Variants in SLIT2 observed in about 807,000 individuals in gnomAD.
The protein encoded by SLIT2 is slit homolog 2 protein.
A neutral mutation model predicts 185.7 loss-of-function variants in SLIT2; 41 were observed. The observed-to-expected ratio is 0.22, with a 90% confidence interval of 0.17 to 0.29. SLIT2 has a LOEUF of 0.29. SLIT2 is among the 10% of genes least tolerant of loss of function. The probability of loss-of-function intolerance (pLI) is 1.00; values close to 1 mark genes in which losing one functional copy is unlikely to be tolerated. For synonymous variants in SLIT2, 693 were observed against 680.2 expected, an observed-to-expected ratio of 1.02 and a Z score of -0.29; for missense variants, 1,571 against 1,909.0, an observed-to-expected ratio of 0.82 and a Z score of 3.30.
Position 20,253,695 on chromosome 4 carries a change from C to T in SLIT2, c.-121C>T, listed in dbSNP as rs903258201. ...TTCCATATTATTTGGTGCACATTTT[C>T]CCTGGCACTCTGGGTTGCTAGCCCC... On this transcript the variant is annotated 5_prime_UTR_variant, in exon 1 of 37. Coordinates refer to ENST00000504154, the MANE Select transcript of SLIT2 (RefSeq NM_004787.4). 3 of 1,193,400 alleles carry T rather than the reference C, an allele frequency of 2.5e-6. No homozygotes were observed. The highest frequency in any genetic ancestry group is 1.4e-5 in the South Asian group (1 of 72,378). 73.9% of individuals were successfully genotyped at this position (1,193,400 alleles called of 1,614,324 possible).
intron 4 of SLIT2, among the ~76,000 whole-genome samples, chr4:20,291,755 T>C (rs1715967977): frequency 1.3e-5 from 2 of 151,938 alleles, no homozygotes; most frequent in South Asian, 4.1e-4. Flanking sequence ...ATCAAAACAA[T>C]TATAGAGAAC....
intron 15 of SLIT2, among the ~76,000 whole-genome samples, chr4:20,526,136 G>A (rs1577856643): frequency 6.6e-6 from 1 of 152,238 alleles, no homozygotes; most frequent in Admixed American, 6.5e-5. Context: ...CAGCGTTAGT[G>A]TACAGAGTTA....
intron 30 of SLIT2, among the ~76,000 whole-genome samples, chr4:20,593,707 T>C (rs1021776126): frequency 6.6e-6 from 1 of 152,152 alleles, no homozygotes; most frequent in African/African-American, 2.4e-5. Context: ...TTTCACAATG[T>C]ATGTATGTAT....
chr4:20,445,599 G>A (rs934732009), intron 4 of SLIT2, among the ~76,000 whole-genome samples: 2 of 152,202 alleles, frequency 1.3e-5, no homozygotes, highest in East Asian at 3.9e-4. Context: ...GGATCTATTA[G>A]GGCTCCCTAC....
intron 16 of SLIT2, 129 bp from the exon 17 acceptor site, chr4:20,531,855 G>T (rs1721839382): frequency 1.8e-6 from 1 of 541,394 alleles, no homozygotes; most frequent in Non-Finnish European, 3.3e-6. Flanking sequence ...CAAATCTTCT[G>T]TGATTTATGT....
In SLIT2 at chr4:20,252,096, G is replaced by T. The variant is rs1202971203; in HGVS notation, c.-1720G>T. ...CGAAGCTGCCGCGCTTTCTGGGCACGGCGGGAGTGCTGAGCAGAAAGGGGA... is the reference window on the plus strand; with the variant it reads ...CGAAGCTGCCGCGCTTTCTGGGCACTGCGGGAGTGCTGAGCAGAAAGGGGA... On this transcript the variant is annotated 5_prime_UTR_variant, in exon 1 of 37. Transcript: ENST00000504154. Among the ~76,000 whole-genome samples the T allele has an allele frequency of 1.3e-5, 2 of 152,148 alleles. No homozygotes were observed. Among genetic ancestry groups the T allele is most frequent in the South Asian group, 2.1e-4 (1 of 4,836 alleles).
intron 4 of SLIT2, among the ~76,000 whole-genome samples, chr4:20,368,094 G>A (rs1723258690): frequency 6.6e-6 from 1 of 151,706 alleles, no homozygotes; most frequent in South Asian, 2.1e-4. Flanking sequence ...TATGCTTTAT[G>A]TTCTGTAAAC....
chr4:20,536,558 C>CAAAAAAAAAAAA (rs35710842), intron 18 of SLIT2, among the ~76,000 whole-genome samples: 1 of 75,828 alleles, frequency 1.3e-5, no homozygotes, highest in African/African-American at 5.1e-5. Flanking sequence ...AACTCTGTCG[C>CAAAAAAAAAAAA]AAAAAAAAAA....
chr4:20,574,023 C>T (rs910315048), intron 29 of SLIT2, among the ~76,000 whole-genome samples: 15 of 151,554 alleles, frequency 9.9e-5, no homozygotes, highest in South Asian at 2.1e-4. Context: ...GGCGCAATCT[C>T]GGCTCACTGC....
At chr4:20,553,735 TTGTGTG>T (rs3830489) in intron 25 of SLIT2, 64 bp from the exon 26 acceptor site, 30 of 1,119,478 alleles carry the variant, frequency 2.7e-5, no homozygotes, top group African/African-American at 1.3e-4. Context: ...ACTTCCATAC[TTGTGTG>T]TGTGTGTGTG....
intron 29 of SLIT2, among the ~76,000 whole-genome samples, chr4:20,570,756 T>TATATGTATATATATATATATATAC (rs1725537550): frequency 7.2e-6 from 1 of 139,838 alleles, no homozygotes; most frequent in Non-Finnish European, 1.5e-5. Context: ...TATATATATA[T>TATATGTATATATATATATATATAC]ATATATTTCC....
chr4:20,465,887 G>A (rs562344371), intron 4 of SLIT2, among the ~76,000 whole-genome samples: 3 of 152,014 alleles, frequency 2.0e-5, no homozygotes, highest in African/African-American at 7.2e-5. Context: ...GGAAGGGGAA[G>A]GCTGCAGAGC....
intron 4 of SLIT2, among the ~76,000 whole-genome samples, chr4:20,332,685 AAAAC>A (rs1720174345): frequency 6.6e-6 from 1 of 152,156 alleles, no homozygotes; most frequent in African/African-American, 2.4e-5. Context: ...AAAAAAAACA[AAAAC>A]AAAAACAAAC....
rs1560453709 is a variant in SLIT2 at position 20,472,385 on chromosome 4, T to TATATCTATATATA, written c.467+4562_467+4563insATATCTATATATA. On this transcript the variant is annotated intron_variant, in intron 5 of 36. Coordinates refer to ENST00000504154, the MANE Select transcript of SLIT2 (RefSeq NM_004787.4). ...ATATAGATATCTATATCTATATATA[T>TATATCTATATATA]GTAGATATATAGATATAGATATCTA... is the stretch of plus-strand genomic sequence containing the variant. Among the ~76,000 whole-genome samples the TATATCTATATATA allele has an allele frequency of 1.3e-3, 53 of 39,260 alleles. 3 individuals are homozygous for TATATCTATATATA. In the East Asian group the frequency reaches 0.015, roughly 11 times the overall value. 25.8% of individuals were successfully genotyped at this position (39,260 alleles called of 152,430 possible).
At chr4:20,316,182 A>G (rs143735411) in intron 4 of SLIT2, among the ~76,000 whole-genome samples, 75 of 152,152 alleles carry the variant, frequency 4.9e-4, no homozygotes, top group Non-Finnish European at 9.4e-4. Context: ...TAAGAGATTT[A>G]TTCAAAGGTC....
chr4:20,470,213 A>G (rs1389501875), intron 5 of SLIT2, among the ~76,000 whole-genome samples: 3 of 152,196 alleles, frequency 2.0e-5, no homozygotes, highest in Non-Finnish European at 4.4e-5. Context: ...AGTTAACCCT[A>G]AAAAATGCAT....
intron 4 of SLIT2, among the ~76,000 whole-genome samples, chr4:20,408,987 A>G (rs1726993204): frequency 6.8e-6 from 1 of 148,128 alleles, no homozygotes; most frequent in East Asian, 2.0e-4. Context: ...ATGCATTTGC[A>G]TGTAATTTCT....
intron 26 of SLIT2, among the ~76,000 whole-genome samples, chr4:20,557,237 A>C (rs1042536738): frequency 1.3e-5 from 2 of 152,098 alleles, no homozygotes; most frequent in Non-Finnish European, 2.9e-5. Context: ...TTCAATGTAG[A>C]TGAAACAGAC....
chr4:20,297,423 C>G (rs772210707), intron 4 of SLIT2, among the ~76,000 whole-genome samples: 2 of 152,130 alleles, frequency 1.3e-5, no homozygotes, highest in East Asian at 1.9e-4. Context: ...GGTTTTCCCC[C>G]CTTCCACTTG....
Sources: gnomAD v4.1 joint callset for allele counts (sites outside exome capture counted in the v4.1 genomes callset) on GRCh38, gnomAD v4.1.1 for gene constraint, MANE v1.5 for transcripts, NCBI Gene and HGNC (gene_info 2026-07-23, HGNC 2026-07-21) for gene names.